Variants in TATDN2 observed in about 807,000 individuals in gnomAD.
TATDN2 encodes 3'-5' RNA nuclease TATDN2.
Under a neutral mutation model 60.3 loss-of-function variants are expected in TATDN2, and 44 were observed. The ratio of observed to expected loss-of-function variants is 0.73; its 90% CI spans 0.57 to 0.94. The LOEUF is 0.94. TATDN2 is among the 40% of genes least tolerant of loss of function. The pLI is 0.00. For missense variants in TATDN2, 997 were observed against 948.0 expected (o/e 1.05, Z -0.68); for synonymous variants, 399 against 355.8 (o/e 1.12, Z -1.37).
At chr3:10,252,004 C>T (rs866768500) in intron 2 of TATDN2, among the ~76,000 whole-genome samples, 15 of 151,552 alleles carry the variant, frequency 9.9e-5, no homozygotes, top group South Asian at 6.3e-4. Context: ...AAAAGTTAGC[C>T]GGGCATGGTG....
rs1322064482 is a variant in TATDN2, at chr3:10,273,278, T to A, written c.1833+2263T>A. ...TTGTCAACACCAGAGACTCCTAGGC[T>A]GGGTGGGGGATATGGACACTGTTTT... On this transcript the variant is annotated intron_variant, in intron 4 of 7. Transcript: ENST00000448281. 6.6e-5 allele frequency among the ~76,000 whole-genome samples: 10 copies of A among 152,230 alleles called. No individual in the cohort carries two copies. In the East Asian group the frequency reaches 1.4e-3, roughly 21 times the overall value.
chr3:10,253,911 C>G (rs1180760383), intron 2 of TATDN2, among the ~76,000 whole-genome samples: 1 of 152,212 alleles, frequency 6.6e-6, no homozygotes, highest in Non-Finnish European at 1.5e-5. Flanking sequence ...AACTTCAAAG[C>G]CAGTGTTCTC....
In TATDN2 at chr3:10,267,885, TCAG is replaced by T. The variant is rs1698500934; in HGVS notation, c.949-2242_949-2240del. 2.6e-5 allele frequency among the ~76,000 whole-genome samples: 4 copies of T among 152,278 alleles called. No individual in the cohort carries two copies. In the South Asian group the frequency reaches 6.2e-4, roughly 24 times the overall value. ...GTTCCAATATGTTTCACTAGAAAAT[TCAG>T]CAGGGAAAAAAAACAAAACAGAACA... On this transcript the variant is annotated intron_variant, in intron 3 of 7. Transcript: ENST00000448281.
At chr3:10,271,786 C>T (rs11718465) in intron 4 of TATDN2, among the ~76,000 whole-genome samples, 13,367 of 151,692 alleles carry the variant, frequency 0.088, 810 homozygotes, top group East Asian at 0.27. Context: ...TCTCGGCTCA[C>T]TGCGGCCTCC....
chr3:10,259,039 T>C (rs1698358373), intron 2 of TATDN2, among the ~76,000 whole-genome samples: 1 of 152,114 alleles, frequency 6.6e-6, no homozygotes, highest in Non-Finnish European at 1.5e-5. Context: ...CCCAGCTAAT[T>C]TTTGTAATTT....
At position 10,279,254 on chromosome 3, in the gene TATDN2, T is replaced by C. The variant is rs147339930; in HGVS notation, c.*72T>C. 7 of 537,182 alleles carry C rather than the reference T, an allele frequency of 1.3e-5. No homozygotes were observed. The East Asian group carries it at 2.5e-4, about 19-fold the overall frequency. 33.3% of individuals were successfully genotyped at this position (537,182 alleles called of 1,614,324 possible). ...GCAGCCTGACAGAACACAGGCTGGC[T>C]TGAAGTCTGTGTCTCAGGTCGAGGA... is the stretch of plus-strand genomic sequence containing the variant. On this transcript the variant is annotated 3_prime_UTR_variant, in exon 8 of 8. Coordinates refer to ENST00000448281, the MANE Select transcript of TATDN2 (RefSeq NM_014760.4).
At chr3:10,272,336 C>T (rs931106587) in intron 4 of TATDN2, among the ~76,000 whole-genome samples, 7 of 151,958 alleles carry the variant, frequency 4.6e-5, no homozygotes, top group African/African-American at 1.7e-4. Flanking sequence ...GGCAGCGGTA[C>T]GATCTCAGCT....
intron 3 of TATDN2, among the ~76,000 whole-genome samples, chr3:10,264,476 A>G (rs1280372878): frequency 6.6e-6 from 1 of 152,214 alleles, no homozygotes; most frequent in Non-Finnish European, 1.5e-5. Context: ...TTCAGGAAAG[A>G]GTAAAATAAG....
chr3:10,276,296 T>C, intron 4 of TATDN2, 65 bp from the exon 5 acceptor site: 1 of 1,594,404 alleles, frequency 6.3e-7, no homozygotes, highest in Non-Finnish European at 8.5e-7. Context: ...GACTGGGCGT[T>C]CCAGAGGTGA....
chr3:10,269,260 C>T (rs1576013442), intron 3 of TATDN2, among the ~76,000 whole-genome samples: 1 of 152,196 alleles, frequency 6.6e-6, no homozygotes, highest in East Asian at 1.9e-4. Context: ...AGCTACAAGG[C>T]CCTTCTGACC....
intron 7 of TATDN2, 25 bp from the exon 8 acceptor site, chr3:10,279,196 C>G: frequency 1.1e-6 from 1 of 911,390 alleles, no homozygotes; most frequent in Non-Finnish European, 1.6e-6. Flanking sequence ...TTGGAACCTT[C>G]TTCTTTTTCT....
At chr3:10,255,012 A>ACTCCC (rs1698286247) in intron 2 of TATDN2, among the ~76,000 whole-genome samples, 2 of 39,086 alleles carry the variant, frequency 5.1e-5, no homozygotes, top group East Asian at 1.5e-3. Flanking sequence ...CCCACTTCCC[A>ACTCCC]CTCCCCCTCC....
Position 10,279,016 on chromosome 3 carries a change from C to A in TATDN2, c.2277C>A (p.Tyr759Ter). 1 of 1,614,238 alleles carries A rather than the reference C, an allele frequency of 6.2e-7. No individual in the cohort carries two copies. The highest frequency in any genetic ancestry group is 8.5e-7 in the Non-Finnish European group (1 of 1,180,044). Reference sequence around the variant, plus strand: ...TGCGTGAGAACACCAGTCGCCTCTACAGTCTTTAAGCAGAGAAGGTACAGT... The same window carrying A: ...TGCGTGAGAACACCAGTCGCCTCTAAAGTCTTTAAGCAGAGAAGGTACAGT... The part of the protein sequence containing the change: ...AALRENTSRL[Y>*]SL Residue 759 changes from tyrosine to a stop codon, truncating the protein, a stop_gained, in exon 7 of 8, where the codon TAC becomes TAA. Coordinates refer to ENST00000448281, the MANE Select transcript of TATDN2 (RefSeq NM_014760.4). LOFTEE classifies it high-confidence loss of function.
At chr3:10,254,824 A>T (rs1361727725) in intron 2 of TATDN2, among the ~76,000 whole-genome samples, 1 of 152,014 alleles carries the variant, frequency 6.6e-6, no homozygotes, top group African/African-American at 2.4e-5. Flanking sequence ...TCTCCCCTTT[A>T]TGAAGTCAGG....
chr3:10,276,333 C>T lies in TATDN2; in HGVS notation c.1834-28C>T. On this transcript the variant is annotated intron_variant, in intron 4 of 7. Coordinates refer to ENST00000448281, the MANE Select transcript of TATDN2 (RefSeq NM_014760.4). ...GGACTTCTGAAGTGCTGCTAACCAACAGGGGTTGTCGCTGTGTCCTCTCCT... is the reference window on the plus strand; with the variant it reads ...GGACTTCTGAAGTGCTGCTAACCAATAGGGGTTGTCGCTGTGTCCTCTCCT... The T allele has an allele frequency of 1.2e-6, 2 of 1,612,052 alleles. 1 individual carries two copies. The highest frequency in any genetic ancestry group is 2.2e-5 in the South Asian group (2 of 90,880).
At position 10,278,212 on chromosome 3, in the gene TATDN2, G is replaced by A. The variant is rs1050440424; in HGVS notation, c.1962-67G>A. The A allele has an allele frequency of 5.9e-6, 9 of 1,535,476 alleles. No homozygotes were observed. Among genetic ancestry groups the A allele is most frequent in the Admixed American group, 3.5e-5 (2 of 56,594 alleles). On this transcript the variant is annotated intron_variant, in intron 5 of 7. Transcript: ENST00000448281. This position sits in a 1 kb window ranked among gnomAD's most constrained non-coding sequence, Gnocchi z 4.7. ...GAATCATTGAAAAGGGGTGATGGGTGTGGGGGGAGCTGGGGGCTGCTGCAG... is the reference window on the plus strand; with the variant it reads ...GAATCATTGAAAAGGGGTGATGGGTATGGGGGGAGCTGGGGGCTGCTGCAG...
chr3:10,272,335 A>G (rs765398991), intron 4 of TATDN2, among the ~76,000 whole-genome samples: 1 of 151,968 alleles, frequency 6.6e-6, no homozygotes, highest in Non-Finnish European at 1.5e-5. Flanking sequence ...GGGCAGCGGT[A>G]CGATCTCAGC....
At chr3:10,274,486 G>A (rs1016030333) in intron 4 of TATDN2, among the ~76,000 whole-genome samples, 2 of 152,188 alleles carry the variant, frequency 1.3e-5, no homozygotes, top group African/African-American at 4.8e-5. Flanking sequence ...TAACAGCTGT[G>A]TAATATTCTA....
At chr3:10,257,878 G>A (rs1316836643) in intron 2 of TATDN2, among the ~76,000 whole-genome samples, 3 of 13,772 alleles carry the variant, frequency 2.2e-4, no homozygotes, top group African/African-American at 1.0e-3. Context: ...TTTTTTTTTG[G>A]GAGATGGAGT....
Sources: allele counts gnomAD v4.1 joint callset (sites outside exome capture counted in the v4.1 genomes callset), GRCh38; gene constraint gnomAD v4.1.1; non-coding constraint Gnocchi (gnomAD v3.1); transcripts MANE v1.5; gene names NCBI Gene and HGNC (gene_info 2026-07-23, HGNC 2026-07-21).